The following MTUS2 variants were observed in gnomAD, a reference collection of about 807,000 sequenced individuals.
MTUS2 encodes the protein microtubule-associated tumor suppressor candidate 2.
MTUS2 carries 40 observed loss-of-function variants against 114.1 expected under a neutral mutation model. The ratio of observed to expected loss-of-function variants is 0.35; its 90% CI spans 0.27 to 0.46. MTUS2 has a LOEUF of 0.46. MTUS2 is among the 20% of genes least tolerant of loss of function. The pLI, the probability that MTUS2 is intolerant of heterozygous loss-of-function variation, is 1.00. For missense variants in MTUS2, 1,679 were observed against 1,705.4 expected (o/e 0.98, Z 0.27); for synonymous variants, 688 against 672.0 (o/e 1.02, Z -0.37).
At chr13:29,339,811 A>C (rs1901293754) in intron 7 of MTUS2, 1 of 154,834 alleles carries the variant, frequency 6.5e-6, no homozygotes, top group South Asian at 1.9e-4. Flanking sequence ...CTTTGCAGCC[A>C]TCCTTGACCT....
chr13:29,358,608 G>T (rs539036406), intron 7 of MTUS2, among the ~76,000 whole-genome samples: 1 of 152,340 alleles, frequency 6.6e-6, no homozygotes, highest in East Asian at 1.9e-4. Context: ...AGGAAGCAGG[G>T]CTTCCCATCA....
chr13:29,184,967 G>A (rs1373925125), intron 5 of MTUS2, among the ~76,000 whole-genome samples: 1 of 152,014 alleles, frequency 6.6e-6, no homozygotes, highest in African/African-American at 2.4e-5. Flanking sequence ...CAAAACAATG[G>A]CTTTAAAGCA....
At chr13:28,881,294 A>G (rs1254691514) in intron 2 of MTUS2, among the ~76,000 whole-genome samples, 2 of 152,220 alleles carry the variant, frequency 1.3e-5, no homozygotes, top group Non-Finnish European at 2.9e-5. Flanking sequence ...TGTTGCTGCA[A>G]AGGACATTAG....
chr13:29,382,503 G>A (rs1475716454), intron 8 of MTUS2, among the ~76,000 whole-genome samples: 1 of 152,158 alleles, frequency 6.6e-6, no homozygotes, highest in African/African-American at 2.4e-5. Flanking sequence ...TAGCTACAAA[G>A]GATGAGGTCT....
intron 2 of MTUS2, among the ~76,000 whole-genome samples, chr13:28,894,355 A>G (rs1879139728): frequency 8.7e-6 from 1 of 115,328 alleles, no homozygotes. Context: ...AGAGAGTGAG[A>G]GTGAGAGAGA....
At chr13:29,077,580 G>A (rs183832174) in intron 4 of MTUS2, among the ~76,000 whole-genome samples, 3 of 151,922 alleles carry the variant, frequency 2.0e-5, no homozygotes, top group East Asian at 3.9e-4. Context: ...CCTCTATTCC[G>A]GTCCTGTTAC....
In MTUS2 at chr13:29,480,504, T is replaced by G; in HGVS notation, c.3399+140T>G. On this transcript the variant is annotated intron_variant, in intron 10 of 15. Coordinates refer to ENST00000612955, the MANE Select transcript of MTUS2 (RefSeq NM_001033602.4). The surrounding 1 kb of genome is among the most constrained non-coding windows in gnomAD (Gnocchi z 4.4). ...TTCACTTTCTGAGTTGCTTTCTCCT[T>G]TCTCCCCGCTCCTCTCTTCTCCTCC... 1 of 926,772 alleles carries G rather than the reference T, an allele frequency of 1.1e-6. No homozygotes were observed. The highest frequency in any genetic ancestry group is 1.6e-6 in the Non-Finnish European group (1 of 640,408). 57.4% of individuals were successfully genotyped at this position (926,772 alleles called of 1,614,324 possible).
chr13:29,218,724 G>A (rs965051310), intron 5 of MTUS2, among the ~76,000 whole-genome samples: 1 of 152,166 alleles, frequency 6.6e-6, no homozygotes, highest in African/African-American at 2.4e-5. Flanking sequence ...TTGTCAATGA[G>A]CAGTAATATT....
At chr13:29,085,050 G>A (rs1159686052) in intron 4 of MTUS2, among the ~76,000 whole-genome samples, 1 of 152,098 alleles carries the variant, frequency 6.6e-6, no homozygotes, top group East Asian at 1.9e-4. Context: ...GTTCGTTCAT[G>A]CAAGGAGATG....
At position 29,328,294 on chromosome 13, in the gene MTUS2, A is replaced by G. The variant is rs559011754; in HGVS notation, c.2905+3583A>G. ...GAGTGACCATGGCCCAGGCCACACA[A>G]TCTCAAGAAGTCCTGATAAAGTGTG... On this transcript the variant is annotated intron_variant, in intron 7 of 15. Transcript: ENST00000612955. 1.3e-4 allele frequency among the ~76,000 whole-genome samples: 20 copies of G among 152,398 alleles called. No individual in the cohort carries two copies. The South Asian group carries it at 3.5e-3, about 27-fold the overall frequency.
intron 2 of MTUS2, among the ~76,000 whole-genome samples, chr13:28,874,353 T>C (rs988231634): frequency 6.6e-5 from 10 of 152,302 alleles, no homozygotes; most frequent in African/African-American, 2.2e-4. Flanking sequence ...TTTATTTAAT[T>C]CAGTATAATA....
intron 4 of MTUS2, among the ~76,000 whole-genome samples, chr13:29,047,054 A>G (rs1266497981): frequency 1.3e-5 from 2 of 152,210 alleles, no homozygotes; most frequent in African/African-American, 4.8e-5. Flanking sequence ...CTGGCCAAGG[A>G]GGCACCCCTC....
intron 7 of MTUS2, among the ~76,000 whole-genome samples, chr13:29,355,589 G>A (rs1869670061): frequency 6.6e-6 from 1 of 152,232 alleles, no homozygotes; most frequent in East Asian, 1.9e-4. Flanking sequence ...CTGAGGGCAA[G>A]GACTGGCTGT....
At chr13:29,148,433 C>A (rs1183848009) in intron 5 of MTUS2, among the ~76,000 whole-genome samples, 1 of 151,022 alleles carries the variant, frequency 6.6e-6, no homozygotes, top group African/African-American at 2.4e-5. Flanking sequence ...TCATCATTCA[C>A]CTCCCACTAA....
At chr13:29,142,816 A>T (rs1424845027) in intron 5 of MTUS2, among the ~76,000 whole-genome samples, 1 of 152,206 alleles carries the variant, frequency 6.6e-6, no homozygotes, top group Non-Finnish European at 1.5e-5. Context: ...CTTGTTTTTG[A>T]AAAAGGGTAG....
intron 5 of MTUS2, among the ~76,000 whole-genome samples, chr13:29,220,327 A>G (rs1401716151): frequency 1.3e-5 from 2 of 152,312 alleles, no homozygotes; most frequent in Non-Finnish European, 1.5e-5. Context: ...AATTGCCTTC[A>G]AGAACTTTTC....
intron 5 of MTUS2, among the ~76,000 whole-genome samples, chr13:29,213,922 A>T (rs1387417548): frequency 1.3e-5 from 2 of 151,268 alleles, no homozygotes; most frequent in African/African-American, 4.9e-5. Context: ...TTTGGCACTG[A>T]ATAGTTTATG....
chr13:28,872,730 C>G (rs1391210867), intron 2 of MTUS2, among the ~76,000 whole-genome samples: 1 of 152,124 alleles, frequency 6.6e-6, no homozygotes, highest in Non-Finnish European at 1.5e-5. Flanking sequence ...GGGCATTAAT[C>G]TATTCATGAG....
At chr13:29,125,648 C>T (rs1384296552) in intron 5 of MTUS2, among the ~76,000 whole-genome samples, 3 of 150,010 alleles carry the variant, frequency 2.0e-5, no homozygotes, top group Admixed American at 6.6e-5. Flanking sequence ...GGCAACCTGC[C>T]GCAGGATTTA....
Sources: gnomAD v4.1 joint callset for allele counts (sites outside exome capture counted in the v4.1 genomes callset) on GRCh38, gnomAD v4.1.1 for gene constraint, Gnocchi (gnomAD v3.1) non-coding constraint, MANE v1.5 for transcripts, NCBI Gene and HGNC (gene_info 2026-07-23, HGNC 2026-07-21) for gene names.